The following ZNF415 variants were observed in gnomAD, a reference collection of about 807,000 sequenced individuals.
ZNF415 encodes the protein zinc finger protein 415.
In ZNF415, 5 loss-of-function variants were observed where a neutral mutation model predicts 7.3. The observed-to-expected ratio is 0.69, with a 90% CI of 0.36 to 1.44. The LOEUF (loss-of-function observed/expected upper bound fraction) is 1.44. Ranked by LOEUF, ZNF415 falls within the 40% of genes most tolerant of loss-of-function variation. The probability of loss-of-function intolerance (pLI) is 0.04; values close to 1 mark genes in which losing one functional copy is unlikely to be tolerated. For synonymous variants in ZNF415, 207 were observed against 226.3 expected, an observed-to-expected ratio of 0.91 and a Z score of 0.77; for missense variants, 628 against 664.8, an observed-to-expected ratio of 0.94 and a Z score of 0.61.
Position 53,108,325 on chromosome 19 carries a change from A to G in ZNF415, c.*52T>C. ...TACTTGTATGGTTTCTCTCTGATATAAATTCTTTGATGACTCACAGGATTT... is the reference window on the plus strand; with the variant it reads ...TACTTGTATGGTTTCTCTCTGATATGAATTCTTTGATGACTCACAGGATTT... On this transcript the variant is annotated 3_prime_UTR_variant, in exon 4 of 4. Coordinates refer to ENST00000243643, the MANE Select transcript of ZNF415 (RefSeq NM_018355.4). 3 of 1,507,738 alleles carry G rather than the reference A, an allele frequency of 2.0e-6. No individual in the cohort carries two copies. Among genetic ancestry groups the G allele is most frequent in the Non-Finnish European group, 2.7e-6 (3 of 1,122,414 alleles). The allele number at this position is 1,507,738 out of a possible 1,614,324, so 93.4% of individuals were successfully genotyped here.
chr19:53,118,738 A>T (rs527769852), intron 2 of ZNF415, among the ~76,000 whole-genome samples: 10 of 152,234 alleles, frequency 6.6e-5, no homozygotes, highest in Admixed American at 3.3e-4. Flanking sequence ...AAAAAAAAAA[A>T]TCTTGAAACA....
intron 3 of ZNF415, among the ~76,000 whole-genome samples, chr19:53,112,951 T>G (rs2086448289): frequency 6.6e-6 from 1 of 152,008 alleles, no homozygotes; most frequent in Admixed American, 6.6e-5. Context: ...CCAGGTGTGG[T>G]GGTGCATGCC....
chr19:53,111,279 C>T (rs1182355483), intron 3 of ZNF415, among the ~76,000 whole-genome samples: 1 of 151,734 alleles, frequency 6.6e-6, no homozygotes, highest in Non-Finnish European at 1.5e-5. Flanking sequence ...TTTGACTTCC[C>T]AGCTTCCAGG....
In ZNF415 at chr19:53,122,682, A is replaced by C. The variant is rs2088316571; in HGVS notation, c.-6T>G. The C allele has an allele frequency of 6.2e-7, 1 of 1,613,628 alleles. No individual in the cohort carries two copies. Among genetic ancestry groups the C allele is most frequent in the East Asian group, 2.2e-5 (1 of 44,864 alleles). On this transcript the variant is annotated 5_prime_UTR_variant, in exon 2 of 4. Transcript: ENST00000243643. ...TTTACCTGAGTAAAAGCCATTCCTGACTCCTTTGCTCTCCTCTTCTGGGTT... is the reference window on the plus strand; with the variant it reads ...TTTACCTGAGTAAAAGCCATTCCTGCCTCCTTTGCTCTCCTCTTCTGGGTT...
At chr19:53,132,149 C>T (rs2090160513) in intron 1 of ZNF415, among the ~76,000 whole-genome samples, 1 of 152,188 alleles carries the variant, frequency 6.6e-6, no homozygotes, top group Non-Finnish European at 1.5e-5. Context: ...CTCTGAAAAT[C>T]TCTAACCATC....
At chr19:53,125,049 A>G (rs1042367322) in intron 1 of ZNF415, among the ~76,000 whole-genome samples, 8 of 150,162 alleles carry the variant, frequency 5.3e-5, no homozygotes, top group South Asian at 2.1e-4. Flanking sequence ...TTTATGTCCA[A>G]TTTTTTTTTT....
In ZNF415 at chr19:53,122,716, A is replaced by C. The variant is rs12462749; in HGVS notation, c.-40T>G. On this transcript the variant is annotated 5_prime_UTR_variant, in exon 2 of 4. An upstream start codon of the reference 5' UTR is lost. Coordinates refer to ENST00000243643, the MANE Select transcript of ZNF415 (RefSeq NM_018355.4). The stretch of plus-strand genomic sequence containing the variant: ...CTCTCCTCTTCTGGGTTTCTTCCTC[A>C]TGTGCCAGGAGTCTTTGGAAGTCAA... 5 of 1,613,802 alleles carry C rather than the reference A, an allele frequency of 3.1e-6. No individual in the cohort carries two copies. Among genetic ancestry groups the C allele is most frequent in the Non-Finnish European group, 2.5e-6 (3 of 1,179,970 alleles).
chr19:53,129,443 A>G, intron 1 of ZNF415: 1 of 396,188 alleles, frequency 2.5e-6, no homozygotes, highest in East Asian at 3.6e-5. Context: ...CCTGCTTCAC[A>G]TTCTTGTTTT....
At chr19:53,125,902 C>G (rs1262001253) in intron 1 of ZNF415, among the ~76,000 whole-genome samples, 1 of 151,268 alleles carries the variant, frequency 6.6e-6, no homozygotes, top group Non-Finnish European at 1.5e-5. Context: ...CACGCCACTG[C>G]ACTACAGCCT....
chr19:53,127,871 G>A lies in ZNF415; in HGVS notation c.-68+4985C>T, dbSNP rs186385206. Reference sequence around the variant, plus strand: ...CAGCCTGCCAACAGAGCGAGACACCGTCTCAAAAAAAAAAAAAAGAAAAAG... The same window carrying A: ...CAGCCTGCCAACAGAGCGAGACACCATCTCAAAAAAAAAAAAAAGAAAAAG... On this transcript the variant is annotated intron_variant, in intron 1 of 3. Transcript: ENST00000243643. Among the ~76,000 whole-genome samples, 818 of 96,670 alleles carry A rather than the reference G, an allele frequency of 8.5e-3. 9 individuals carry two copies. The highest frequency in any genetic ancestry group is 9.0e-3 in the Non-Finnish European group (433 of 48,178). The allele number at this position is 96,670 out of a possible 152,430, so 63.4% of individuals were successfully genotyped here.
In ZNF415 at chr19:53,109,076, A is replaced by G. The variant is rs2085820400; in HGVS notation, c.969T>C (p.Ile323=). 1 of 1,612,450 alleles carries G rather than the reference A, an allele frequency of 6.2e-7. No homozygotes were observed. The highest frequency in any genetic ancestry group is 8.5e-7 in the Non-Finnish European group (1 of 1,178,654). Residue 323 remains isoleucine, a synonymous_variant, in exon 4 of 4, where the codon ATT becomes ATC. Coordinates refer to ENST00000243643, the MANE Select transcript of ZNF415 (RefSeq NM_018355.4). ...CTTTACATGTGTAAGGTTTCTCTCC[A>G]ATATGAGTTTTCTGATGTAGTGCAA... The part of the protein sequence containing the change: ...SCLALHQKTH[I]GEKPYTCKEC...
Position 53,108,770 on chromosome 19 carries a change from TG to T in ZNF415, c.1274del (p.Ser425TyrfsTer31). 1 of 1,613,462 alleles carries T rather than the reference TG, an allele frequency of 6.2e-7. No homozygotes were observed. The highest frequency in any genetic ancestry group is 8.5e-7 in the Non-Finnish European group (1 of 1,179,428). ...GAACTCTCCGATGACTCGCAAGGTG[TG>T]AATTGTAACTGAAAACCTTACCACA... ...NECGKVFSYN[S>X]HLASHRRVHT... On this transcript the variant is annotated frameshift_variant, in exon 4 of 4. Coordinates refer to ENST00000243643, the MANE Select transcript of ZNF415 (RefSeq NM_018355.4). LOFTEE classifies it low-confidence loss of function (END_TRUNC).
chr19:53,127,723 A>C (rs575384413), intron 1 of ZNF415, among the ~76,000 whole-genome samples: 1 of 152,066 alleles, frequency 6.6e-6, no homozygotes, highest in Admixed American at 6.6e-5. Flanking sequence ...CTAAAAATAC[A>C]AAAATTAGCT....
chr19:53,125,232 C>T (rs530547312), intron 1 of ZNF415, among the ~76,000 whole-genome samples: 18 of 151,772 alleles, frequency 1.2e-4, no homozygotes, highest in Admixed American at 2.6e-4. Context: ...TTAGTAGAGA[C>T]GGGGTTTCAC....
intron 2 of ZNF415, among the ~76,000 whole-genome samples, chr19:53,118,826 A>G (rs1166233624): frequency 6.6e-6 from 1 of 152,198 alleles, no homozygotes; most frequent in Non-Finnish European, 1.5e-5. Flanking sequence ...TTATAGTAAT[A>G]AACACCTACT....
intron 2 of ZNF415, among the ~76,000 whole-genome samples, chr19:53,119,444 CA>C (rs34688086): frequency 0.012 from 417 of 35,044 alleles, no homozygotes; most frequent in South Asian, 0.057. Flanking sequence ...GACTCCATCT[CA>C]AAAAAAAAAA....
At chr19:53,122,482 G>A in intron 2 of ZNF415, 180 bp downstream of exon 2, 2 of 1,560,612 alleles carry the variant, frequency 1.3e-6, no homozygotes, top group Non-Finnish European at 1.7e-6. Flanking sequence ...ATGTCACAGG[G>A]TCAGGGTGAG....
Position 53,118,022 on chromosome 19 carries a change from T to C in ZNF415, c.16-1589A>G, listed in dbSNP as rs145853509. Among the ~76,000 whole-genome samples, 860 of 152,238 alleles carry C rather than the reference T, an allele frequency of 5.6e-3. 7 individuals carry two copies. Among genetic ancestry groups the C allele is most frequent in the Non-Finnish European group, 9.2e-3 (625 of 68,026 alleles). On this transcript the variant is annotated intron_variant, in intron 2 of 3. Transcript: ENST00000243643. ...ACATAAAAGATATAGACTGGCTAAATTGATACAAGCGTGTAACCCAACTAT... is the reference window on the plus strand; with the variant it reads ...ACATAAAAGATATAGACTGGCTAAACTGATACAAGCGTGTAACCCAACTAT...
chr19:53,130,709 G>C lies in ZNF415; in HGVS notation c.-68+2147C>G, dbSNP rs552955982. ...CAGTCTTGCTCTGTCACCGGATCTC[G>C]GCTCTTGGCTCACTGCAACCTCCGC... On this transcript the variant is annotated intron_variant, in intron 1 of 3. Coordinates refer to ENST00000243643, the MANE Select transcript of ZNF415 (RefSeq NM_018355.4). Among the ~76,000 whole-genome samples, 3 of 151,676 alleles carry C rather than the reference G, an allele frequency of 2.0e-5. No homozygotes were observed. The South Asian group carries it at 6.3e-4, about 32-fold the overall frequency.
Sources: gnomAD v4.1 joint callset for allele counts (sites outside exome capture counted in the v4.1 genomes callset) on GRCh38, gnomAD v4.1.1 for gene constraint, MANE v1.5 for transcripts, NCBI Gene and HGNC (gene_info 2026-07-23, HGNC 2026-07-21) for gene names.